The following COX18 variants were observed in gnomAD, a reference collection of about 807,000 sequenced individuals.
COX18 encodes cytochrome c oxidase assembly factor COX18, also known as cytochrome c oxidase assembly protein COX18, mitochondrial.
A neutral mutation model predicts 38.0 loss-of-function variants in COX18; 45 were observed. The ratio of observed to expected loss-of-function variants is 1.18; its 90% CI spans 0.93 to 1.52. The LOEUF is 1.52. COX18 is among the 40% of genes most tolerant of loss of function. The pLI is 0.00. For missense variants in COX18, 462 were observed against 423.8 expected, an observed-to-expected ratio of 1.09 and a Z score of -0.79; for synonymous variants, 177 against 169.8, an observed-to-expected ratio of 1.04 and a Z score of -0.33.
rs59678976 is a variant in COX18 at position 73,067,886 on chromosome 4, A to ATATAT, written c.434+142_434+143insATATA. On this transcript the variant is annotated intron_variant, in intron 2 of 5. Transcript: ENST00000507544. Reference sequence around the variant, plus strand: ...AAAAATATATATATATATATATATAAAAAAAGAAATACTTTACTGCCAAAA... The same window carrying ATATAT: ...AAAAATATATATATATATATATATAATATATAAAAAGAAATACTTTACTGCCAAAA... 98 of 48,692 alleles carry ATATAT rather than the reference A, an allele frequency of 2.0e-3. 3 individuals carry two copies. Among genetic ancestry groups the ATATAT allele is most frequent in the Middle Eastern group, 0.011 (1 of 92 alleles). 3.0% of individuals were successfully genotyped at this position (48,692 alleles called of 1,614,324 possible). A position where few individuals can be genotyped will look rare whatever the true frequency, so the allele number is the denominator to read the frequency against.
chr4:73,068,456 C>G (rs752983241), intron 1 of COX18: 2 of 186,196 alleles, frequency 1.1e-5, no homozygotes, highest in Non-Finnish European at 2.3e-5. Flanking sequence ...ACTGTTCCAT[C>G]TCTACATTTC....
At position 73,064,813 on chromosome 4, in the gene COX18, T is replaced by G. The variant is rs778807259; in HGVS notation, c.688A>C (p.Ile230Leu). Residue 230 changes from isoleucine to leucine, a missense_variant, in exon 4 of 6, where the codon ATC becomes CTC. By Grantham distance (5) the Ile-to-Leu change is conservative (BLOSUM62 2). Coordinates refer to ENST00000507544, the MANE Select transcript of COX18 (RefSeq NM_001297732.2). ...TAPDSTWILP[I>L]SVGVINLLIV... The stretch of plus-strand genomic sequence containing the variant: ...AACAAATTGATGACGCCAACAGAGA[T>G]AGGCAGAATCCAAGTGGAGTCGGGT... 3 of 1,613,924 alleles carry G rather than the reference T, an allele frequency of 1.9e-6. No individual in the cohort carries two copies. Among genetic ancestry groups the G allele is most frequent in the Non-Finnish European group, 2.5e-6 (3 of 1,179,886 alleles).
Position 73,055,049 on chromosome 4 carries a change from C to T in COX18, c.*3065G>A, listed in dbSNP as rs964889873. On this transcript the variant is annotated 3_prime_UTR_variant, in exon 6 of 6. Transcript: ENST00000507544. ...CAATGGGAAAAGGAGACTGATTTCC[C>T]TCATGCCATTATGAGAAAAATATCT... 9 of 152,230 alleles carry T rather than the reference C, an allele frequency of 5.9e-5. No individual in the cohort carries two copies. The highest frequency in any genetic ancestry group is 2.2e-4 in the African/African-American group (9 of 41,468). 9.4% of individuals were successfully genotyped at this position (152,230 alleles called of 1,614,324 possible).
At position 73,065,350 on chromosome 4, in the gene COX18, G is replaced by A. The variant is rs771458899; in HGVS notation, c.498C>T (p.His166=). The A allele has an allele frequency of 1.2e-6, 2 of 1,613,894 alleles. No individual in the cohort carries two copies. Among genetic ancestry groups the A allele is most frequent in the East Asian group, 4.5e-5 (2 of 44,874 alleles). The part of the protein sequence containing the change: ...ISELYVRDNC[H]PFKATVLVWI... ...AAACCAACACAGTGGCTTTGAAAGGGTGGCAGTTATCTCGCACATATAGCT... is the reference window on the plus strand; with the variant it reads ...AAACCAACACAGTGGCTTTGAAAGGATGGCAGTTATCTCGCACATATAGCT... The change falls in exon 3 of 6, where the codon CAC becomes CAT. Residue 166 remains histidine (H), a synonymous_variant. Transcript: ENST00000507544.
In COX18 at chr4:73,056,704, C is replaced by A. The variant is rs921207988; in HGVS notation, c.*1410G>T. ...TAACTAGGAATTGCCAGAAAATCTT[C>A]CTGGTAACAAGGAAGTCCCCGTATT... On this transcript the variant is annotated 3_prime_UTR_variant, in exon 6 of 6. Transcript: ENST00000507544. 1 of 152,066 alleles carries A rather than the reference C, an allele frequency of 6.6e-6. No individual in the cohort carries two copies. Among genetic ancestry groups the A allele is most frequent in the Non-Finnish European group, 1.5e-5 (1 of 68,032 alleles). The allele number at this position is 152,066 out of a possible 1,614,324, so 9.4% of individuals were successfully genotyped here. A position where few individuals can be genotyped will look rare whatever the true frequency, so the allele number is the denominator to read the frequency against.
At position 73,065,236 on chromosome 4, in the gene COX18, C is replaced by T. The variant is rs773466017; in HGVS notation, c.598+14G>A. 10 of 1,472,442 alleles carry T rather than the reference C, an allele frequency of 6.8e-6. No individual in the cohort carries two copies. The Admixed American group carries it at 1.5e-4, about 21-fold the overall frequency. The allele number at this position is 1,472,442 out of a possible 1,614,324, so 91.2% of individuals were successfully genotyped here. ...GTTAGAGAACTTCTTTGGGAGAAGA[C>T]ATACAATAATTACCTTCTGAATGTG... On this transcript the variant is annotated intron_variant, in intron 3 of 5. Coordinates refer to ENST00000507544, the MANE Select transcript of COX18 (RefSeq NM_001297732.2).
intron 5 of COX18, among the ~76,000 whole-genome samples, chr4:73,060,622 T>C (rs923604903): frequency 3.9e-5 from 6 of 152,180 alleles, no homozygotes; most frequent in Non-Finnish European, 7.3e-5. Context: ...GGCTCACACC[T>C]GTAATCCCAG....
chr4:73,062,323 A>T (rs550820059), intron 4 of COX18, among the ~76,000 whole-genome samples: 1 of 151,942 alleles, frequency 6.6e-6, no homozygotes, highest in African/African-American at 2.4e-5. Flanking sequence ...ATGCCACTGC[A>T]CTCCAGCCTG....
intron 1 of COX18, 89 bp downstream of exon 1, chr4:73,069,228 C>G: frequency 1.0e-6 from 1 of 952,722 alleles, no homozygotes; most frequent in Non-Finnish European, 1.5e-6. Flanking sequence ...AAGGCAACAT[C>G]GTGCGATCGA....
Position 73,069,403 on chromosome 4 carries a change from A to C in COX18, c.247T>G (p.Trp83Gly). The part of the protein sequence containing the change: ...GVHAATGLPW[W>G]GSILLSTVAL... ...ACGGTGGAGAGCAGAATGCTGCCCC[A>C]CCAGGGCAGGCCCGTGGCGGCGTGC... Residue 83 changes from tryptophan to glycine, a missense_variant, in exon 1 of 6, where the codon TGG becomes GGG. By Grantham distance (184) the Trp-to-Gly change is radical. Coordinates refer to ENST00000507544, the MANE Select transcript of COX18 (RefSeq NM_001297732.2). 1 of 1,567,876 alleles carries C rather than the reference A, an allele frequency of 6.4e-7. No individual in the cohort carries two copies. Among genetic ancestry groups the C allele is most frequent in the Non-Finnish European group, 8.6e-7 (1 of 1,157,308 alleles).
Position 73,056,560 on chromosome 4 carries a change from A to G in COX18, c.*1554T>C, listed in dbSNP as rs1051843599. On this transcript the variant is annotated 3_prime_UTR_variant, in exon 6 of 6. Coordinates refer to ENST00000507544, the MANE Select transcript of COX18 (RefSeq NM_001297732.2). ...GGGCCGGGAGGCAACATCATCTACCATGTTAGGGACTTGTATGCATGGACT... is the reference window on the plus strand; with the variant it reads ...GGGCCGGGAGGCAACATCATCTACCGTGTTAGGGACTTGTATGCATGGACT... 6.6e-6 allele frequency: 1 copy of G among 152,114 alleles called. No individual in the cohort carries two copies. The highest frequency in any genetic ancestry group is 2.4e-5 in the African/African-American group (1 of 41,422). 9.4% of individuals were successfully genotyped at this position (152,114 alleles called of 1,614,324 possible).
In COX18 at chr4:73,052,452, TTTTGGG is replaced by T. The variant is rs1429034768; in HGVS notation, c.*5656_*5661del. Reference sequence around the variant, plus strand: ...TACAGAACCACAGCGTTCCAGAAACTTTTGGGTAAATAAAATTATCTGACTTTAATG... The same window carrying T: ...TACAGAACCACAGCGTTCCAGAAACTTAAATAAAATTATCTGACTTTAATG... On this transcript the variant is annotated 3_prime_UTR_variant, in exon 6 of 6. Transcript: ENST00000507544. The T allele has an allele frequency of 6.6e-6, 1 of 152,108 alleles. No individual in the cohort carries two copies. The highest frequency in any genetic ancestry group is 6.5e-5 in the Admixed American group (1 of 15,276). 9.4% of individuals were successfully genotyped at this position (152,108 alleles called of 1,614,324 possible).
rs1005762671 is a variant in COX18 at position 73,058,582 on chromosome 4, C to T, written c.832-295G>A. On this transcript the variant is annotated intron_variant, in intron 5 of 5. Transcript: ENST00000507544. ...TTATCTCCCTTCTTCGACAATGGAA[C>T]ATAACTTTTTCCCCACCAAAAGTCC... Among the ~76,000 whole-genome samples the T allele has an allele frequency of 2.0e-5, 3 of 152,290 alleles. 1 individual carries two copies. The highest frequency in any genetic ancestry group is 4.1e-4 in the South Asian group (2 of 4,828).
At position 73,056,221 on chromosome 4, in the gene COX18, C is replaced by T. The variant is rs1305303189; in HGVS notation, c.*1893G>A. 3 of 152,142 alleles carry T rather than the reference C, an allele frequency of 2.0e-5. No individual in the cohort carries two copies. The highest frequency in any genetic ancestry group is 4.4e-5 in the Non-Finnish European group (3 of 68,034). 9.4% of individuals were successfully genotyped at this position (152,142 alleles called of 1,614,324 possible). A position where few individuals can be genotyped will look rare whatever the true frequency, so the allele number is the denominator to read the frequency against. Reference sequence around the variant, plus strand: ...TACCTGCCATACTTGATATCTCAACCAGAGCTAATTTTACCTCTTTACAAA... The same window carrying T: ...TACCTGCCATACTTGATATCTCAACTAGAGCTAATTTTACCTCTTTACAAA... On this transcript the variant is annotated 3_prime_UTR_variant, in exon 6 of 6. Transcript: ENST00000507544.
intron 4 of COX18, 118 bp from the exon 5 acceptor site, chr4:73,062,038 T>C (rs1272527428): frequency 9.9e-6 from 6 of 606,084 alleles, no homozygotes; most frequent in African/African-American, 1.9e-5. Context: ...ATAAAAGTTA[T>C]ATATATACAC....
At position 73,062,257 on chromosome 4, in the gene COX18, C is replaced by T. The variant is rs150999400; in HGVS notation, c.724-337G>A. Among the ~76,000 whole-genome samples the T allele has an allele frequency of 3.4e-4, 52 of 152,006 alleles. No individual in the cohort carries two copies. The East Asian group carries it at 6.4e-3, about 19-fold the overall frequency. On this transcript the variant is annotated intron_variant, in intron 4 of 5. Transcript: ENST00000507544. ...TCCATCTTTTAAAAATCTTAACTGG[C>T]CTAGGTGGAAGGATCACTCTAGTCC... is the stretch of plus-strand genomic sequence containing the variant.
At chr4:73,062,004 TC>T in intron 4 of COX18, 84 bp from the exon 5 acceptor site, 1 of 621,408 alleles carries the variant, frequency 1.6e-6, no homozygotes, top group Non-Finnish European at 2.8e-6. Context: ...AACTGATTTT[TC>T]ACTGGCCTCC....
chr4:73,063,406 A>G (rs1720277474), intron 4 of COX18, among the ~76,000 whole-genome samples: 1 of 152,180 alleles, frequency 6.6e-6, no homozygotes, highest in African/African-American at 2.4e-5. Context: ...TTTTTCTTTT[A>G]GAGGTGAGGT....
Position 73,068,135 on chromosome 4 carries a change from TA to T in COX18, c.334-7del. Reference sequence around the variant, plus strand: ...TCTGGCTGCAAATTTTCCACCTAGCTAAAAAATAGGTTTTGTTATGAGCACA... The same window carrying T: ...TCTGGCTGCAAATTTTCCACCTAGCTAAAAATAGGTTTTGTTATGAGCACA... On this transcript the variant is annotated splice_region_variant and splice_polypyrimidine_tract_variant and intron_variant, in intron 1 of 5. Coordinates refer to ENST00000507544, the MANE Select transcript of COX18 (RefSeq NM_001297732.2). The T allele has an allele frequency of 6.3e-7, 1 of 1,595,338 alleles. No homozygotes were observed. Among genetic ancestry groups the T allele is most frequent in the Non-Finnish European group, 8.6e-7 (1 of 1,167,692 alleles).
Sources: allele counts gnomAD v4.1 joint callset (sites outside exome capture counted in the v4.1 genomes callset), GRCh38; gene constraint gnomAD v4.1.1; transcripts MANE v1.5; gene names NCBI Gene and HGNC (gene_info 2026-07-23, HGNC 2026-07-21).